SPICE1: variants seen among roughly 807,000 people sequenced by gnomAD.
SPICE1 encodes spindle and centriole-associated protein 1.
Under a neutral mutation model 102.7 loss-of-function variants are expected in SPICE1, and 75 were observed. That is an observed-to-expected ratio of 0.73 (90% CI 0.61 to 0.88). The LOEUF (loss-of-function observed/expected upper bound fraction) is 0.88. SPICE1 is among the 40% of genes least tolerant of loss of function. The probability of loss-of-function intolerance (pLI) is 0.00; values close to 1 mark genes in which losing one functional copy is unlikely to be tolerated. For missense variants in SPICE1, 979 were observed against 1,020.1 expected (o/e 0.96, Z 0.55); for synonymous variants, 308 against 350.3 (o/e 0.88, Z 1.35).
chr3:113,512,172 G>A lies in SPICE1; in HGVS notation c.-1+2725C>T, dbSNP rs375614315. Among the ~76,000 whole-genome samples, 314 of 152,288 alleles carry A rather than the reference G, an allele frequency of 2.1e-3. 3 individuals carry two copies. Among genetic ancestry groups the A allele is most frequent in the African/African-American group, 7.2e-3 (298 of 41,556 alleles). On this transcript the variant is annotated intron_variant, in intron 1 of 17. Coordinates refer to ENST00000295872, the MANE Select transcript of SPICE1 (RefSeq NM_144718.4). Reference sequence around the variant, plus strand: ...TCCAAACTCACAACCCACAGAAATTGTGAAATGATAAATAGTAATTGTTTT... The same window carrying A: ...TCCAAACTCACAACCCACAGAAATTATGAAATGATAAATAGTAATTGTTTT...
chr3:113,479,603 A>G (rs894188417), intron 7 of SPICE1, among the ~76,000 whole-genome samples: 5 of 151,576 alleles, frequency 3.3e-5, no homozygotes, highest in East Asian at 1.9e-4. Context: ...CAGTGTAAAA[A>G]TGTTCCTATT....
chr3:113,447,980 T>TA, intron 16 of SPICE1, 58 bp downstream of exon 16: 2 of 1,483,086 alleles, frequency 1.3e-6, no homozygotes, highest in Non-Finnish European at 1.8e-6. Context: ...GAGAATAAAA[T>TA]ACATACCAAA....
intron 12 of SPICE1, among the ~76,000 whole-genome samples, chr3:113,458,940 G>A (rs1330154394): frequency 3.9e-5 from 6 of 151,994 alleles, no homozygotes; most frequent in Admixed American, 1.3e-4. Context: ...CATTGAGAAC[G>A]GGCCATGATG....
chr3:113,504,842 G>A (rs919515775), intron 2 of SPICE1, among the ~76,000 whole-genome samples: 2 of 152,080 alleles, frequency 1.3e-5, no homozygotes, highest in Non-Finnish European at 2.9e-5. Context: ...GTAATAATCA[G>A]TTTGATCTCT....
intron 12 of SPICE1, chr3:113,459,447 AAAACAAAAC>A (rs1935873372): frequency 1.0e-6 from 1 of 974,074 alleles, no homozygotes; most frequent in African/African-American, 1.8e-5. Flanking sequence ...AAAACAAAAC[AAAACAAAAC>A]AAAAAAAAAC....
At chr3:113,476,208 C>G (rs192531139) in intron 7 of SPICE1, among the ~76,000 whole-genome samples, 1 of 150,312 alleles carries the variant, frequency 6.7e-6, no homozygotes, top group Non-Finnish European at 1.5e-5. Context: ...AATAAAATAC[C>G]TAGGAATCCA....
chr3:113,454,048 T>C (rs947637306), intron 13 of SPICE1, 98 bp from the exon 14 acceptor site: 1 of 1,187,354 alleles, frequency 8.4e-7, no homozygotes, highest in Non-Finnish European at 1.1e-6. Context: ...TAGAAAAGTA[T>C]TTCAGTAGAA....
intron 2 of SPICE1, among the ~76,000 whole-genome samples, chr3:113,504,371 G>T (rs1317395238): frequency 6.6e-6 from 1 of 152,084 alleles, no homozygotes; most frequent in Non-Finnish European, 1.5e-5. Context: ...TTTTGGCCAT[G>T]ATTTATATTT....
chr3:113,488,601 G>C (rs561447173), intron 7 of SPICE1, among the ~76,000 whole-genome samples: 18 of 152,302 alleles, frequency 1.2e-4, no homozygotes, highest in East Asian at 5.8e-4. Flanking sequence ...GACTCAGAAG[G>C]GGGAGGGCGG....
intron 2 of SPICE1, among the ~76,000 whole-genome samples, chr3:113,503,895 TG>T (rs1481213984): frequency 1.4e-5 from 2 of 140,356 alleles, no homozygotes; most frequent in Admixed American, 7.6e-5. Flanking sequence ...ATTGTGCCAC[TG>T]CACTCCAGCC....
chr3:113,455,278 C>T (rs1423813920), intron 13 of SPICE1, among the ~76,000 whole-genome samples: 1 of 152,134 alleles, frequency 6.6e-6, no homozygotes, highest in Non-Finnish European at 1.5e-5. Context: ...CCAATACACA[C>T]AGACACACAC....
At chr3:113,473,791 A>G (rs1432040915) in intron 7 of SPICE1, among the ~76,000 whole-genome samples, 1 of 151,992 alleles carries the variant, frequency 6.6e-6, no homozygotes, top group Non-Finnish European at 1.5e-5. Flanking sequence ...AGGAAGCACT[A>G]AACATGGAAA....
Position 113,493,299 on chromosome 3 carries a change from T to A in SPICE1, c.399A>T (p.Val133=), listed in dbSNP as rs1455675203. ...CCTGAGAGGAATCAGGAGCCACTGT[T>A]ACATTTGGAAACCCTGCAAAAGGAA... The part of the protein sequence containing the change: ...FPRRRTGFPN[V]TVAPDSSQGP... The change falls in exon 6 of 18, where the codon GTA becomes GTT. Residue 133 remains valine, a synonymous_variant. Transcript: ENST00000295872. 2 of 1,613,908 alleles carry A rather than the reference T, an allele frequency of 1.2e-6. No individual in the cohort carries two copies. Among genetic ancestry groups the A allele is most frequent in the Admixed American group, 1.7e-5 (1 of 60,010 alleles).
chr3:113,446,542 CTACCCTCACCCCT>C, intron 17 of SPICE1, 34 bp downstream of exon 17: 1 of 1,395,114 alleles, frequency 7.2e-7, no homozygotes, highest in Non-Finnish European at 1.0e-6. Flanking sequence ...CAGCCACCTT[CTACCCTCACCCCT>C]ATATGCATTT....
chr3:113,494,319 G>A (rs1041524787), intron 4 of SPICE1, among the ~76,000 whole-genome samples, 177 bp from the exon 5 acceptor site: 1 of 152,152 alleles, frequency 6.6e-6, no homozygotes, highest in Non-Finnish European at 1.5e-5. Flanking sequence ...ATAATTAGTG[G>A]CTTTCCAATA....
At chr3:113,491,843 G>T (rs866374265) in intron 6 of SPICE1, among the ~76,000 whole-genome samples, 7 of 152,148 alleles carry the variant, frequency 4.6e-5, no homozygotes, top group African/African-American at 1.2e-4. Flanking sequence ...TAAATTAGTT[G>T]TATCAGTAAC....
At chr3:113,468,432 T>C in intron 9 of SPICE1, 28 bp from the exon 10 acceptor site, 4 of 1,594,832 alleles carry the variant, frequency 2.5e-6, no homozygotes, top group South Asian at 1.1e-5. Context: ...CATTCTATTT[T>C]AAGACCAGGA....
chr3:113,458,565 C>T (rs934058362), intron 12 of SPICE1, among the ~76,000 whole-genome samples: 3 of 152,186 alleles, frequency 2.0e-5, no homozygotes, highest in African/African-American at 7.2e-5. Context: ...CTCGCTACAA[C>T]CTCCACCTCC....
At chr3:113,492,247 A>G (rs1439741162) in intron 6 of SPICE1, among the ~76,000 whole-genome samples, 1 of 152,208 alleles carries the variant, frequency 6.6e-6, no homozygotes, top group African/African-American at 2.4e-5. Context: ...GAAGTATGAA[A>G]CAATATAATT....
Sources: gnomAD v4.1 joint callset for allele counts (sites outside exome capture counted in the v4.1 genomes callset) on GRCh38, gnomAD v4.1.1 for gene constraint, MANE v1.5 for transcripts, NCBI Gene and HGNC (gene_info 2026-07-23, HGNC 2026-07-21) for gene names.